GOT2: variants seen among roughly 807,000 people sequenced by gnomAD.
GOT2 encodes aspartate aminotransferase, mitochondrial.
GOT2 carries 17 observed loss-of-function variants against 50.0 expected under a neutral mutation model. The observed-to-expected ratio is 0.34, with a 90% CI of 0.23 to 0.51. GOT2 has a LOEUF of 0.51. Among genes scored for constraint, GOT2 ranks in the 20% least tolerant of loss-of-function variants. The pLI, the probability that GOT2 is intolerant of heterozygous loss-of-function variation, is 0.97. For missense variants in GOT2, 430 were observed against 559.6 expected, an observed-to-expected ratio of 0.77 and a Z score of 2.34; for synonymous variants, 172 against 204.9, an observed-to-expected ratio of 0.84 and a Z score of 1.37.
chr16:58,711,360 T>C (rs1262972426), intron 8 of GOT2, among the ~76,000 whole-genome samples: 1 of 152,190 alleles, frequency 6.6e-6, no homozygotes, highest in African/African-American at 2.4e-5. Context: ...TGATTCTGAA[T>C]ACAACCTTCC....
At chr16:58,715,876 C>T (rs1017670541) in intron 8 of GOT2, 138 bp downstream of exon 8, 20 of 655,586 alleles carry the variant, frequency 3.1e-5, no homozygotes, top group South Asian at 2.7e-4. Flanking sequence ...AAGGAATGCA[C>T]ATTTTTTGCT....
chr16:58,727,659 A>G (rs544673985), intron 1 of GOT2, among the ~76,000 whole-genome samples: 1 of 152,262 alleles, frequency 6.6e-6, no homozygotes, highest in East Asian at 1.9e-4. Flanking sequence ...TACTTATGGG[A>G]GCCCTGAGCA....
chr16:58,718,363 G>T, intron 5 of GOT2, 63 bp from the exon 6 acceptor site: 1 of 1,424,222 alleles, frequency 7.0e-7, no homozygotes, highest in Non-Finnish European at 9.9e-7. Flanking sequence ...TATCTGAAAT[G>T]CCACAGGATC....
At chr16:58,708,430 A>G in intron 9 of GOT2, 137 bp from the exon 10 acceptor site, 1 of 798,874 alleles carries the variant, frequency 1.3e-6, no homozygotes, top group Non-Finnish European at 1.9e-6. Flanking sequence ...GTTAGCTTGG[A>G]ATAAAATAAG....
intron 9 of GOT2, among the ~76,000 whole-genome samples, chr16:58,708,521 C>CTGGAACT (rs1237162958): frequency 2.9e-4 from 44 of 151,838 alleles, no homozygotes; most frequent in African/African-American, 9.9e-4. Context: ...AGGAGAATAG[C>CTGGAACT]TGGAACCTGG....
chr16:58,712,657 T>C (rs1027260418), intron 8 of GOT2, among the ~76,000 whole-genome samples: 4 of 152,214 alleles, frequency 2.6e-5, no homozygotes, highest in South Asian at 2.1e-4. Context: ...AAATTGTGTA[T>C]TGAAATGCAT....
Position 58,709,283 on chromosome 16 carries a change from C to CA in GOT2, c.1170+133dup, listed in dbSNP as rs111301303. On this transcript the variant is annotated intron_variant, in intron 9 of 9. Coordinates refer to ENST00000245206, the MANE Select transcript of GOT2 (RefSeq NM_002080.4). The stretch of plus-strand genomic sequence containing the variant: ...CTCAAAACAAAAACAAAAACAAAAA[C>CA]AAAACAAAACAAAACAAAACAAAAC... 1.9e-3 allele frequency: 151 copies of CA among 79,236 alleles called. No individual in the cohort carries two copies. In the African/African-American group the frequency reaches 0.039, roughly 20 times the overall value. 4.9% of individuals were successfully genotyped at this position (79,236 alleles called of 1,614,324 possible).
chr16:58,708,322 C>G (rs747139258), intron 9 of GOT2, 29 bp from the exon 10 acceptor site: 2 of 1,609,916 alleles, frequency 1.2e-6, no homozygotes, highest in Non-Finnish European at 1.7e-6. Flanking sequence ...TTGGGTACCT[C>G]TTCCCGGTAC....
chr16:58,722,824 A>G (rs990764430), intron 2 of GOT2, among the ~76,000 whole-genome samples: 1 of 152,204 alleles, frequency 6.6e-6, no homozygotes, highest in Non-Finnish European at 1.5e-5. Flanking sequence ...TCTCTTGGTT[A>G]CAATTTAACA....
At chr16:58,721,846 T>C (rs2044742849) in intron 3 of GOT2, 1 of 190,166 alleles carries the variant, frequency 5.3e-6, no homozygotes, top group Non-Finnish European at 1.1e-5. Context: ...AATGGCATGA[T>C]CTTGGCTCAC....
At chr16:58,732,676 C>T (rs2044844565) in intron 1 of GOT2, among the ~76,000 whole-genome samples, 1 of 152,186 alleles carries the variant, frequency 6.6e-6, no homozygotes, top group Admixed American at 6.5e-5. Flanking sequence ...AAAAATGAGT[C>T]AGACTCTCAA....
At chr16:58,732,977 C>T (rs2044847754) in intron 1 of GOT2, among the ~76,000 whole-genome samples, 1 of 152,236 alleles carries the variant, frequency 6.6e-6, no homozygotes, top group Admixed American at 6.5e-5. Flanking sequence ...CTGGGCAAAA[C>T]TGTACTGCCA....
intron 3 of GOT2, chr16:58,721,781 A>G (rs1034172261): frequency 7.1e-6 from 1 of 140,686 alleles, no homozygotes; most frequent in Non-Finnish European, 1.5e-5. Context: ...TATTTCTTAA[A>G]TTTTTTTTTT....
chr16:58,718,725 A>G (rs772686769), intron 4 of GOT2, 37 bp from the exon 5 acceptor site: 1 of 1,503,680 alleles, frequency 6.7e-7, no homozygotes, highest in Non-Finnish European at 8.9e-7. Context: ...AAAAATGAAC[A>G]AAGGAGAGGC....
At chr16:58,727,816 C>T (rs758925092) in intron 1 of GOT2, among the ~76,000 whole-genome samples, 4 of 152,100 alleles carry the variant, frequency 2.6e-5, no homozygotes, top group African/African-American at 4.8e-5. Flanking sequence ...TAAAGGCTCA[C>T]GGTGAGAAGG....
At chr16:58,710,098 A>G (rs954091085) in intron 8 of GOT2, among the ~76,000 whole-genome samples, 4 of 152,304 alleles carry the variant, frequency 2.6e-5, no homozygotes, top group African/African-American at 9.6e-5. Flanking sequence ...GGGTTTTGCC[A>G]TGTTGCGCGG....
chr16:58,719,119 C>T lies in GOT2; in HGVS notation c.435+77G>A, dbSNP rs557746154. The T allele has an allele frequency of 1.5e-5, 15 of 995,500 alleles. No homozygotes were observed. The African/African-American group carries it at 2.1e-4, about 14-fold the overall frequency. The allele number at this position is 995,500 out of a possible 1,614,324, so 61.7% of individuals were successfully genotyped here. ...AAGAAGAAATCTACTTCTGCATCAA[C>T]AGTCAAATACACACACAACAGGAAG... On this transcript the variant is annotated intron_variant, in intron 4 of 9. Coordinates refer to ENST00000245206, the MANE Select transcript of GOT2 (RefSeq NM_002080.4).
intron 1 of GOT2, among the ~76,000 whole-genome samples, chr16:58,726,386 G>A (rs1294410072): frequency 3.3e-5 from 5 of 151,930 alleles, no homozygotes; most frequent in Non-Finnish European, 7.4e-5. Flanking sequence ...GGGTTTCGCC[G>A]TGTTGGCCAG....
rs763255972 is a variant in GOT2 at position 58,734,147 on chromosome 16, T to C, written c.82A>G (p.Arg28Gly). Residue 28 changes from arginine (R) to glycine (G), a missense_variant, in exon 1 of 10, where the codon AGA (arginine) becomes GGA (glycine). Physicochemically the swap from Arg to Gly is moderately radical, Grantham distance 125. Coordinates refer to ENST00000245206, the MANE Select transcript of GOT2 (RefSeq NM_002080.4). ...HPGLAAAASA[R>G]ASSWWTHVEM... ...CCGTTTCCCTTGGCTTACCTGGCTC[T>C]GGCAGAGGCCGCGGCGGCGAGGCCC... The C allele has an allele frequency of 2.6e-5, 35 of 1,331,272 alleles. No individual in the cohort carries two copies. Among genetic ancestry groups the C allele is most frequent in the Non-Finnish European group, 3.0e-5 (31 of 1,036,078 alleles). 82.5% of individuals were successfully genotyped at this position (1,331,272 alleles called of 1,614,324 possible). A position where few individuals can be genotyped will look rare whatever the true frequency, so the allele number is the denominator to read the frequency against.
Sources: gnomAD v4.1 joint callset for allele counts (sites outside exome capture counted in the v4.1 genomes callset) on GRCh38, gnomAD v4.1.1 for gene constraint, MANE v1.5 for transcripts, NCBI Gene and HGNC (gene_info 2026-07-23, HGNC 2026-07-21) for gene names.